Variants in NUBPL observed in about 807,000 individuals in gnomAD.
NUBPL encodes the protein iron-sulfur cluster transfer protein NUBPL.
NUBPL carries 31 observed loss-of-function variants against 45.7 expected under a neutral mutation model. The ratio of observed to expected loss-of-function variants is 0.68; its 90% CI spans 0.51 to 0.92. NUBPL has a LOEUF of 0.92. NUBPL is among the 40% of genes least tolerant of loss of function. The pLI, the probability that NUBPL is intolerant of heterozygous loss-of-function variation, is 0.00. For synonymous variants in NUBPL, 144 were observed against 140.9 expected (o/e 1.02, Z -0.15); for missense variants, 401 against 398.7 (o/e 1.01, Z -0.05).
At chr14:31,781,018 C>A (rs934655411) in intron 6 of NUBPL, among the ~76,000 whole-genome samples, 13 of 152,036 alleles carry the variant, frequency 8.6e-5, no homozygotes, top group African/African-American at 3.1e-4. Context: ...AGAGATGCAC[C>A]CTTTGAGGCT....
At chr14:31,632,539 C>G (rs2035372877) in intron 4 of NUBPL, among the ~76,000 whole-genome samples, 1 of 152,136 alleles carries the variant, frequency 6.6e-6, no homozygotes, top group African/African-American at 2.4e-5. Context: ...TGGCCCCTTT[C>G]CTTTAGAAAC....
At position 31,595,560 on chromosome 14, in the gene NUBPL, A is replaced by C. The variant is rs577425833; in HGVS notation, c.292-3729A>C. 2.0e-5 allele frequency among the ~76,000 whole-genome samples: 3 copies of C among 152,364 alleles called. No individual in the cohort carries two copies. In the South Asian group the frequency reaches 6.2e-4, roughly 32 times the overall value. The stretch of plus-strand genomic sequence containing the variant: ...AATTATTATAGAAGGAGTAAGTTGG[A>C]AAGGATTCATAAAACTTAGCTGGCT... On this transcript the variant is annotated intron_variant, in intron 3 of 10. Coordinates refer to ENST00000281081, the MANE Select transcript of NUBPL (RefSeq NM_025152.3).
intron 4 of NUBPL, among the ~76,000 whole-genome samples, chr14:31,641,382 A>G (rs531982176): frequency 1.3e-5 from 2 of 152,156 alleles, no homozygotes; most frequent in Non-Finnish European, 2.9e-5. Flanking sequence ...TTTATCTTCA[A>G]CAAATCCATA....
At chr14:31,779,720 A>G (rs2039158553) in intron 6 of NUBPL, among the ~76,000 whole-genome samples, 1 of 152,226 alleles carries the variant, frequency 6.6e-6, no homozygotes, top group South Asian at 2.1e-4. Flanking sequence ...CAGATAGATA[A>G]CAAGGACTTG....
rs549317893 is a variant in NUBPL at position 31,779,112 on chromosome 14, C to T, written c.514-8668C>T. 4.1e-4 allele frequency among the ~76,000 whole-genome samples: 63 copies of T among 151,998 alleles called. 1 individual carries two copies. Among genetic ancestry groups the T allele is most frequent in the Middle Eastern group, 6.8e-3 (2 of 294 alleles). On this transcript the variant is annotated intron_variant, in intron 6 of 10. Coordinates refer to ENST00000281081, the MANE Select transcript of NUBPL (RefSeq NM_025152.3). ...ATCCCAGCACTTTGGGAGGGAGAGG[C>T]GGGTGGATTACCTGAGGTCGTGAGT...
chr14:31,567,024 A>G (rs1008392184), intron 3 of NUBPL, among the ~76,000 whole-genome samples: 2 of 152,232 alleles, frequency 1.3e-5, no homozygotes, highest in Non-Finnish European at 1.5e-5. Flanking sequence ...TACATATAGG[A>G]AGTAAATTTG....
At chr14:31,778,199 C>T (rs978658249) in intron 6 of NUBPL, among the ~76,000 whole-genome samples, 2 of 152,228 alleles carry the variant, frequency 1.3e-5, no homozygotes, top group Non-Finnish European at 2.9e-5. Context: ...GCCAGATCTC[C>T]TGGTGAGGAC....
intron 8 of NUBPL, among the ~76,000 whole-genome samples, chr14:31,834,783 TGA>T (rs1165153456): frequency 1.3e-5 from 2 of 152,156 alleles, no homozygotes; most frequent in African/African-American, 2.4e-5. Flanking sequence ...GAAATGTGGT[TGA>T]GAGAGGTTAA....
chr14:31,847,700 G>A (rs965516071), intron 9 of NUBPL, among the ~76,000 whole-genome samples: 10 of 152,138 alleles, frequency 6.6e-5, no homozygotes, highest in African/African-American at 2.4e-4. Flanking sequence ...AAGATCCCTA[G>A]AGATTAAGGA....
intron 6 of NUBPL, among the ~76,000 whole-genome samples, chr14:31,775,571 G>C (rs1566555835): frequency 6.6e-6 from 1 of 152,186 alleles, no homozygotes; most frequent in African/African-American, 2.4e-5. Flanking sequence ...CGCCTGATCT[G>C]TACCTCATCC....
At chr14:31,639,329 G>A (rs2035608710) in intron 4 of NUBPL, among the ~76,000 whole-genome samples, 2 of 152,130 alleles carry the variant, frequency 1.3e-5, no homozygotes, top group African/African-American at 4.8e-5. Context: ...AGGTCTGTTG[G>A]AGTTTGCTAG....
intron 4 of NUBPL, among the ~76,000 whole-genome samples, chr14:31,640,344 G>A (rs141787052): frequency 3.7e-3 from 561 of 152,156 alleles, no homozygotes; most frequent in Non-Finnish European, 4.5e-3. Flanking sequence ...GGTGGCTCAC[G>A]CGCCCAGCAC....
rs142573101 is a variant in NUBPL, at chr14:31,689,309, TC to T, written c.513+15741del. Among the ~76,000 whole-genome samples, 4 of 152,120 alleles carry T rather than the reference TC, an allele frequency of 2.6e-5. No individual in the cohort carries two copies. The East Asian group carries it at 7.7e-4, about 29-fold the overall frequency. ...CAGTGTATATATAAGTGTTCCCTTT[TC>T]CCCCCACCCTTGCCAGCATCAGTTA... On this transcript the variant is annotated intron_variant, in intron 6 of 10. Transcript: ENST00000281081.
At chr14:31,856,251 T>A (rs2040617100) in intron 10 of NUBPL, among the ~76,000 whole-genome samples, 1 of 152,074 alleles carries the variant, frequency 6.6e-6, no homozygotes, top group Non-Finnish European at 1.5e-5. Context: ...CCATTTTTTT[T>A]AAGCTATCAG....
chr14:31,774,486 C>G (rs1370801751), intron 6 of NUBPL, among the ~76,000 whole-genome samples: 2 of 152,180 alleles, frequency 1.3e-5, no homozygotes, highest in African/African-American at 2.4e-5. Context: ...GACCTGATTG[C>G]TGCTGTTTTG....
chr14:31,632,575 G>A (rs2035373897), intron 4 of NUBPL, among the ~76,000 whole-genome samples: 1 of 152,112 alleles, frequency 6.6e-6, no homozygotes, highest in Admixed American at 6.5e-5. Context: ...CACAAAGTTT[G>A]AAATGAGAGA....
intron 6 of NUBPL, among the ~76,000 whole-genome samples, chr14:31,760,451 C>T (rs1421040085): frequency 6.6e-6 from 1 of 152,070 alleles, no homozygotes; most frequent in Non-Finnish European, 1.5e-5. Context: ...CTGCACCTGG[C>T]CTTACTGCAA....
rs117400226 is a variant in NUBPL, at chr14:31,696,430, C to G, written c.513+22856C>G. Among the ~76,000 whole-genome samples the G allele has an allele frequency of 8.9e-4, 136 of 152,296 alleles. 1 individual carries two copies. In the East Asian group the frequency reaches 0.025, roughly 28 times the overall value. ...CACTAGCTATTTCCTCACAGTGGCTCTCTCCTTTGTCAAGGTTATGCTTCT... is the reference window on the plus strand; with the variant it reads ...CACTAGCTATTTCCTCACAGTGGCTGTCTCCTTTGTCAAGGTTATGCTTCT... On this transcript the variant is annotated intron_variant, in intron 6 of 10. Transcript: ENST00000281081.
chr14:31,851,705 A>T (rs1038318483), intron 10 of NUBPL, among the ~76,000 whole-genome samples: 3 of 151,872 alleles, frequency 2.0e-5, no homozygotes, highest in Non-Finnish European at 4.4e-5. Flanking sequence ...CCATAGCTGT[A>T]CTTTATGCAA....
Sources: gnomAD v4.1 joint callset for allele counts (sites outside exome capture counted in the v4.1 genomes callset) on GRCh38, gnomAD v4.1.1 for gene constraint, MANE v1.5 for transcripts, NCBI Gene and HGNC (gene_info 2026-07-23, HGNC 2026-07-21) for gene names.